Variants in DIAPH2 observed in about 807,000 individuals in gnomAD.
The protein encoded by DIAPH2 is protein diaphanous homolog 2.
Under a neutral mutation model 92.7 loss-of-function variants are expected in DIAPH2, and 35 were observed. That is an observed-to-expected ratio of 0.38 (90% CI 0.29 to 0.50). DIAPH2 has a LOEUF of 0.50. Among genes scored for constraint, DIAPH2 ranks in the 20% least tolerant of loss-of-function variants. The pLI is 0.94. For missense variants in DIAPH2, 701 were observed against 819.5 expected (o/e 0.86, Z 1.77); for synonymous variants, 301 against 280.4 (o/e 1.07, Z -0.73).
At chrX:97,102,343 A>T (rs2066911617) in intron 20 of DIAPH2, among the ~76,000 whole-genome samples, 1 of 111,305 alleles carries the variant, frequency 9.0e-6, no homozygotes, top group Admixed American at 9.6e-5. Flanking sequence ...CTTACCACGA[A>T]CATCCTAACC....
chrX:97,096,793 G>C (rs1278929727), intron 19 of DIAPH2, among the ~76,000 whole-genome samples: 1 of 111,687 alleles, frequency 9.0e-6, no homozygotes, highest in African/African-American at 3.3e-5. Context: ...TCTGGGCCTG[G>C]AATCACATCC....
At chrX:96,881,399 T>G in intron 4 of DIAPH2, among the ~76,000 whole-genome samples, 180 bp from the exon 5 acceptor site, 1 of 111,103 alleles carries the variant, frequency 9.0e-6, no homozygotes, top group Non-Finnish European at 1.9e-5. Context: ...TAAATGAGGT[T>G]GAGGAAAATG....
At chrX:96,832,827 A>G (rs188459342) in intron 4 of DIAPH2, among the ~76,000 whole-genome samples, 1 of 111,794 alleles carries the variant, frequency 8.9e-6, no homozygotes, top group Admixed American at 9.6e-5. Context: ...TTTTCAAAGT[A>G]CTTTAAAAGT....
At chrX:97,262,806 A>G (rs949489603) in intron 23 of DIAPH2, among the ~76,000 whole-genome samples, 3 of 112,081 alleles carry the variant, frequency 2.7e-5, no homozygotes, top group Non-Finnish European at 5.6e-5. Flanking sequence ...AAACACATGA[A>G]CAGACGGAGA....
At chrX:96,912,689 A>G (rs895676184) in intron 7 of DIAPH2, 137 bp downstream of exon 7, 2 of 779,932 alleles carry the variant, frequency 2.6e-6, no homozygotes, top group African/African-American at 2.2e-5. Flanking sequence ...AACATGTGCC[A>G]TGGTGGTTTG....
chrX:96,868,443 C>T (rs921277598), intron 4 of DIAPH2, among the ~76,000 whole-genome samples: 1 of 111,668 alleles, frequency 9.0e-6, no homozygotes, highest in East Asian at 2.8e-4. Context: ...GCTGTGAGCT[C>T]CAGGTATATT....
chrX:97,104,670 C>T (rs1251347722), intron 20 of DIAPH2, among the ~76,000 whole-genome samples: 1 of 111,230 alleles, frequency 9.0e-6, no homozygotes, highest in Non-Finnish European at 1.9e-5. Flanking sequence ...TGTGTGCCAC[C>T]ATACCTGGCC....
intron 4 of DIAPH2, among the ~76,000 whole-genome samples, chrX:96,803,835 C>T (rs769208637): frequency 3.6e-5 from 4 of 111,023 alleles, no homozygotes; most frequent in Admixed American, 9.6e-5. Flanking sequence ...GTCAGGAGTC[C>T]GAGACTAGCC....
intron 22 of DIAPH2, among the ~76,000 whole-genome samples, chrX:97,206,678 A>C (rs753359769): frequency 1.5e-4 from 17 of 112,197 alleles, no homozygotes; most frequent in Non-Finnish European, 2.8e-4. Context: ...TTAAACATTC[A>C]TTTAGCATTT....
intron 4 of DIAPH2, among the ~76,000 whole-genome samples, chrX:96,878,275 T>C (rs2147742898): frequency 8.9e-6 from 1 of 112,095 alleles, no homozygotes. Context: ...TTTTATTCAA[T>C]ATTGAGCAAA....
chrX:97,360,295 A>T (rs2069311196), intron 24 of DIAPH2, among the ~76,000 whole-genome samples: 1 of 111,281 alleles, frequency 9.0e-6, no homozygotes, highest in Admixed American at 9.6e-5. Context: ...TCTCATATAC[A>T]TTGGGGACAT....
chrX:96,750,549 C>T (rs1188835628), intron 3 of DIAPH2, among the ~76,000 whole-genome samples: 3 of 111,631 alleles, frequency 2.7e-5, no homozygotes. Flanking sequence ...GTTTACCTGA[C>T]TCAGGAATCC....
chrX:97,288,402 T>A (rs2068563021), intron 23 of DIAPH2, among the ~76,000 whole-genome samples: 1 of 110,739 alleles, frequency 9.0e-6, no homozygotes, highest in East Asian at 2.8e-4. Flanking sequence ...CATGCTAAAT[T>A]GTGAAGGAAG....
At chrX:97,153,685 T>C (rs960793029) in intron 22 of DIAPH2, among the ~76,000 whole-genome samples, 9 of 112,054 alleles carry the variant, frequency 8.0e-5, no homozygotes, top group African/African-American at 2.3e-4. Context: ...ATTTTAGTTT[T>C]TCTACATATT....
intron 26 of DIAPH2, among the ~76,000 whole-genome samples, chrX:97,542,864 C>G (rs912692846): frequency 1.8e-5 from 2 of 111,500 alleles, no homozygotes; most frequent in Non-Finnish European, 3.8e-5. Flanking sequence ...GGAGTGTTTT[C>G]TAAACCCAAG....
chrX:97,124,782 G>C (rs1040993581), intron 21 of DIAPH2, among the ~76,000 whole-genome samples: 1 of 111,352 alleles, frequency 9.0e-6, no homozygotes, highest in Non-Finnish European at 1.9e-5. Flanking sequence ...CTGCCTCCTA[G>C]ATATCTAGAT....
intron 4 of DIAPH2, among the ~76,000 whole-genome samples, chrX:96,837,462 T>A (rs984357872): frequency 9.5e-4 from 100 of 105,436 alleles, no homozygotes; most frequent in African/African-American, 3.4e-3. Flanking sequence ...TGTGTGTGTG[T>A]GTGTAGTACT....
intron 1 of DIAPH2, among the ~76,000 whole-genome samples, chrX:96,727,171 A>G (rs1250054448): frequency 1.8e-5 from 2 of 112,178 alleles, no homozygotes; most frequent in Non-Finnish European, 3.8e-5. Flanking sequence ...GATCCTGCTT[A>G]GTGTGTTTTG....
rs193018838 is a variant in DIAPH2 at position 97,221,553 on chromosome X, A to G, written c.2720-26162A>G. Reference sequence around the variant, plus strand: ...TTCGGAGAGTCCAGCTTAATTAAAAATACTATTTGCACAAATGTTGCGGTT... The same window carrying G: ...TTCGGAGAGTCCAGCTTAATTAAAAGTACTATTTGCACAAATGTTGCGGTT... On this transcript the variant is annotated intron_variant, in intron 22 of 26. Coordinates refer to ENST00000324765, the MANE Select transcript of DIAPH2 (RefSeq NM_006729.5). Among the ~76,000 whole-genome samples the G allele has an allele frequency of 9.8e-4, 110 of 112,016 alleles. 2 individuals are homozygous for G. The Middle Eastern group carries it at 0.023, about 24-fold the overall frequency.
Sources: gnomAD v4.1 joint callset for allele counts (sites outside exome capture counted in the v4.1 genomes callset) on GRCh38, gnomAD v4.1.1 for gene constraint, MANE v1.5 for transcripts, NCBI Gene and HGNC (gene_info 2026-07-23, HGNC 2026-07-21) for gene names.